ZNF35: variants seen among roughly 807,000 people sequenced by gnomAD.
ZNF35 encodes zinc finger protein 35.
A neutral mutation model predicts 45.9 loss-of-function variants in ZNF35; 31 were observed. The ratio of observed to expected loss-of-function variants is 0.68; its 90% CI spans 0.51 to 0.91. The LOEUF (loss-of-function observed/expected upper bound fraction) is 0.91. Ranked by LOEUF, ZNF35 falls within the 40% of genes least tolerant of loss-of-function variation. The pLI is 0.00. For synonymous variants in ZNF35, 205 were observed against 220.2 expected, an observed-to-expected ratio of 0.93 and a Z score of 0.61; for missense variants, 515 against 625.4, an observed-to-expected ratio of 0.82 and a Z score of 1.88.
At chr3:44,655,087 T>C (rs1328896412) in intron 3 of ZNF35, among the ~76,000 whole-genome samples, 3 of 152,094 alleles carry the variant, frequency 2.0e-5, no homozygotes, top group Admixed American at 2.0e-4. Flanking sequence ...TGAGCCAAGA[T>C]TGCACCACTG....
Position 44,660,061 on chromosome 3 carries a change from AG to A in ZNF35, c.*115del. On this transcript the variant is annotated 3_prime_UTR_variant, in exon 4 of 4. Coordinates refer to ENST00000396056, the MANE Select transcript of ZNF35 (RefSeq NM_003420.4). ...TAAAAGTGAGGGCTGTGTCCTTAAA[AG>A]TTATAGTTTTCAGGAATGCAGCAGA... is the stretch of plus-strand genomic sequence containing the variant. 2 of 1,164,504 alleles carry A rather than the reference AG, an allele frequency of 1.7e-6. No homozygotes were observed. Among genetic ancestry groups the A allele is most frequent in the Non-Finnish European group, 2.3e-6 (2 of 861,454 alleles). 72.1% of individuals were successfully genotyped at this position (1,164,504 alleles called of 1,614,324 possible). A position where few individuals can be genotyped will look rare whatever the true frequency, so the allele number is the denominator to read the frequency against.
intron 3 of ZNF35, among the ~76,000 whole-genome samples, chr3:44,658,180 T>C (rs1703342444): frequency 6.6e-6 from 1 of 152,204 alleles, no homozygotes; most frequent in South Asian, 2.1e-4. Context: ...ACCCTTTCTG[T>C]CCGTGCTTAT....
At chr3:44,651,408 A>G in intron 2 of ZNF35, 149 bp downstream of exon 2, 1 of 776,460 alleles carries the variant, frequency 1.3e-6, no homozygotes, top group Non-Finnish European at 2.0e-6. Flanking sequence ...GGATAGAAAC[A>G]TTCCCTTCTG....
chr3:44,654,775 G>A (rs1170408497), intron 3 of ZNF35, among the ~76,000 whole-genome samples: 18 of 152,134 alleles, frequency 1.2e-4, no homozygotes, highest in Admixed American at 1.2e-3. Context: ...GTATAAAAGT[G>A]AGAACATTTG....
intron 3 of ZNF35, among the ~76,000 whole-genome samples, chr3:44,657,428 A>G (rs969303481): frequency 1.3e-5 from 2 of 152,184 alleles, no homozygotes; most frequent in African/African-American, 2.4e-5. Flanking sequence ...TTAATTGACA[A>G]ACACTTCTTA....
At position 44,649,939 on chromosome 3, in the gene ZNF35, T is replaced by C. The variant is rs1243315172; in HGVS notation, c.-127-1002T>C. Among the ~76,000 whole-genome samples the C allele has an allele frequency of 6.6e-5, 10 of 152,214 alleles. No homozygotes were observed. In the East Asian group the frequency reaches 1.9e-3, roughly 29 times the overall value. On this transcript the variant is annotated intron_variant, in intron 1 of 3. Coordinates refer to ENST00000396056, the MANE Select transcript of ZNF35 (RefSeq NM_003420.4). ...TGAGTTAAAAAACAATGCAGGTTGC[T>C]GAACAGTATATAACTGTGATGATCT...
chr3:44,648,652 C>T (rs1314206748), upstream of ZNF35: 1 of 152,150 alleles, frequency 6.6e-6, no homozygotes, highest in Admixed American at 6.5e-5. Context: ...GGACACCCAT[C>T]GAGAGGAAAG....
rs760841396 is a variant in ZNF35 at position 44,652,583 on chromosome 3, G to A, written c.219G>A (p.Ala73=). Residue 73 remains alanine, a synonymous_variant, in exon 3 of 4, where the codon GCG becomes GCA. Transcript: ENST00000396056. ...GTCAGAACATATCCTGGGATATGGC[G>A]GTAGTCCTGAAAGCAACTCAGGAGG... is the stretch of plus-strand genomic sequence containing the variant. ...EKGQNISWDM[A]VVLKATQEAP... The A allele has an allele frequency of 9.9e-6, 16 of 1,608,744 alleles. No individual in the cohort carries two copies. The highest frequency in any genetic ancestry group is 5.3e-5 in the African/African-American group (4 of 74,880).
chr3:44,658,615 A>C lies in ZNF35; in HGVS notation c.338-86A>C, dbSNP rs17076900. The C allele has an allele frequency of 1.7e-3, 2,427 of 1,425,208 alleles. 31 individuals are homozygous for C. The African/African-American group carries it at 0.031, about 18-fold the overall frequency. The allele number at this position is 1,425,208 out of a possible 1,614,324, so 88.3% of individuals were successfully genotyped here. A position where few individuals can be genotyped will look rare whatever the true frequency, so the allele number is the denominator to read the frequency against. On this transcript the variant is annotated intron_variant, in intron 3 of 3. Coordinates refer to ENST00000396056, the MANE Select transcript of ZNF35 (RefSeq NM_003420.4). ...GCCATTTTGTGGAGGTGCTGAAATC[A>C]CATACTTCGTTTTATGACTTGATGA...
rs1256087112 is a variant in ZNF35 at position 44,659,635 on chromosome 3, GA to G, written c.1275del (p.Ala426ProfsTer105). On this transcript the variant is annotated frameshift_variant, in exon 4 of 4. Coordinates refer to ENST00000396056, the MANE Select transcript of ZNF35 (RefSeq NM_003420.4). LOFTEE classifies it high-confidence loss of function. This position sits in a 1 kb window ranked among gnomAD's most constrained non-coding sequence, Gnocchi z 4.3. Reference sequence around the variant, plus strand: ...AACCTTACGACTGCAGCGAATGTGGGAAAGCCTTCAGTCAGCTCTCTTGCCT... The same window carrying G: ...AACCTTACGACTGCAGCGAATGTGGGAAGCCTTCAGTCAGCTCTCTTGCCT... ...EKPYDCSECG[K>X]AFSQLSCLIV... 1 of 1,614,178 alleles carries G rather than the reference GA, an allele frequency of 6.2e-7. No homozygotes were observed.
intron 3 of ZNF35, among the ~76,000 whole-genome samples, chr3:44,655,598 A>C (rs1703285781): frequency 6.6e-6 from 1 of 152,232 alleles, no homozygotes; most frequent in African/African-American, 2.4e-5. Flanking sequence ...ATTTCAAATA[A>C]GCCAAGGTTA....
Position 44,659,706 on chromosome 3 carries a change from G to A in ZNF35, c.1343G>A (p.Cys448Tyr). 1.2e-6 allele frequency: 2 copies of A among 1,614,200 alleles called. No homozygotes were observed. The highest frequency in any genetic ancestry group is 1.7e-6 in the Non-Finnish European group (2 of 1,180,038). Residue 448 changes from cysteine (C) to tyrosine (Y), a missense_variant, in exon 4 of 4, where the codon TGT becomes TAT. This residue lies in a region of ZNF35 where 232 missense variants were observed against 304.6 expected (regional missense o/e 0.76). Coordinates refer to ENST00000396056, the MANE Select transcript of ZNF35 (RefSeq NM_003420.4). The surrounding 1 kb of genome is among the most constrained non-coding windows in gnomAD (Gnocchi z 4.3). ...RIHSGDLPYV[C>Y]NECGKAFTCS... ...CACAGTGGAGATCTTCCTTACGTGT[G>A]TAATGAATGTGGGAAGGCCTTCACA...
chr3:44,658,819 A>C lies in ZNF35; in HGVS notation c.456A>C (p.Leu152Phe), dbSNP rs760093722. 2.8e-5 allele frequency: 45 copies of C among 1,613,492 alleles called. No individual in the cohort carries two copies. The East Asian group carries it at 9.8e-4, about 35-fold the overall frequency. Residue 152 changes from leucine to phenylalanine, a missense_variant, in exon 4 of 4, where the codon TTA becomes TTC. Around this residue, in one of 3 missense-constraint regions of ZNF35, gnomAD observed 275 missense variants for 295.7 expected, o/e 0.93. Transcript: ENST00000396056. The part of the protein sequence containing the change: ...IQKADPQGPE[L>F]GEACEKGNML... Reference sequence around the variant, plus strand: ...AAGCTGATCCTCAAGGACCTGAGTTAGGAGAAGCTTGTGAAAAGGGAAACA... The same window carrying C: ...AAGCTGATCCTCAAGGACCTGAGTTCGGAGAAGCTTGTGAAAAGGGAAACA...
upstream of ZNF35, chr3:44,648,289 A>T (rs1410291461): frequency 6.6e-6 from 1 of 152,174 alleles, no homozygotes; most frequent in Non-Finnish European, 1.5e-5. Context: ...AGTATTTGGA[A>T]TGAAGTGTTC....
chr3:44,649,384 G>A (rs1030753415), intron 1 of ZNF35, among the ~76,000 whole-genome samples: 2 of 152,200 alleles, frequency 1.3e-5, no homozygotes, highest in Non-Finnish European at 2.9e-5. Context: ...ACAGTAAGTG[G>A]CCAGTAAGTT....
rs749914743 is a variant in ZNF35 at position 44,659,277 on chromosome 3, C to T, written c.914C>T (p.Thr305Ile). The change falls in exon 4 of 4, where the codon ACT (threonine) becomes ATT (isoleucine). Residue 305 changes from threonine (T) to isoleucine (I), a missense_variant. Thr to Ile is a moderately conservative substitution (Grantham distance 89, BLOSUM62 -1). Transcript: ENST00000396056. This position sits in a 1 kb window ranked among gnomAD's most constrained non-coding sequence, Gnocchi z 4.3. ...CAAAAAATCCACTCCTTAGAAAAAA[C>T]TTTTAAGTGCAATGAATGTGAGAAA... ...VHQKIHSLEK[T>I]FKCNECEKAF... The T allele has an allele frequency of 3.1e-6, 5 of 1,613,882 alleles. No individual in the cohort carries two copies. The highest frequency in any genetic ancestry group is 4.2e-6 in the Non-Finnish European group (5 of 1,179,940).
chr3:44,653,174 C>G lies in ZNF35; in HGVS notation c.337+473C>G, dbSNP rs369695664. Among the ~76,000 whole-genome samples the G allele has an allele frequency of 3.0e-4, 46 of 152,254 alleles. 1 individual carries two copies. The East Asian group carries it at 8.7e-3, about 29-fold the overall frequency. On this transcript the variant is annotated intron_variant, in intron 3 of 3. Coordinates refer to ENST00000396056, the MANE Select transcript of ZNF35 (RefSeq NM_003420.4). ...AACACCCTCTCCCTAATGACCTCCA[C>G]CTGGCAGCCTTAATTTAACCCAAAA...
chr3:44,648,755 C>T lies in ZNF35; in HGVS notation c.-207C>T. On this transcript the variant is annotated 5_prime_UTR_variant, in exon 1 of 4. Transcript: ENST00000396056. ...TCCTGTCCGGTCATTGTTCTCGTGC[C>T]GGTAGAAGCTGAAGTACCGGTCAGC... The T allele has an allele frequency of 6.6e-6, 1 of 152,338 alleles. No homozygotes were observed. The highest frequency in any genetic ancestry group is 1.5e-5 in the Non-Finnish European group (1 of 68,066). 9.4% of individuals were successfully genotyped at this position (152,338 alleles called of 1,614,324 possible). A position where few individuals can be genotyped will look rare whatever the true frequency, so the allele number is the denominator to read the frequency against.
chr3:44,660,001 A>T lies in ZNF35; in HGVS notation c.*54A>T. The T allele has an allele frequency of 3.4e-6, 5 of 1,481,932 alleles. No individual in the cohort carries two copies. The highest frequency in any genetic ancestry group is 4.5e-6 in the Non-Finnish European group (5 of 1,110,478). The allele number at this position is 1,481,932 out of a possible 1,614,324, so 91.8% of individuals were successfully genotyped here. A position where few individuals can be genotyped will look rare whatever the true frequency, so the allele number is the denominator to read the frequency against. ...TTGGTCATAACCTTCTGCCTCCCTAATGAGACACCTCTTTGCTGTTTTCTT... is the reference window on the plus strand; with the variant it reads ...TTGGTCATAACCTTCTGCCTCCCTATTGAGACACCTCTTTGCTGTTTTCTT... On this transcript the variant is annotated 3_prime_UTR_variant, in exon 4 of 4. Transcript: ENST00000396056.
Sources: gnomAD v4.1 joint callset for allele counts (sites outside exome capture counted in the v4.1 genomes callset) on GRCh38, gnomAD v4.1.1 for gene constraint, gnomAD v4.1.1 regional missense constraint, Gnocchi (gnomAD v3.1) non-coding constraint, MANE v1.5 for transcripts, NCBI Gene and HGNC (gene_info 2026-07-23, HGNC 2026-07-21) for gene names.